Variants in PTBP2 observed in about 807,000 individuals in gnomAD.
PTBP2 encodes polypyrimidine tract-binding protein 2.
A neutral mutation model predicts 61.4 loss-of-function variants in PTBP2; 13 were observed. That is an observed-to-expected ratio of 0.21 (90% CI 0.14 to 0.34). The LOEUF (loss-of-function observed/expected upper bound fraction) is 0.34, where lower values mean the gene tolerates loss of function less well. Among genes scored for constraint, PTBP2 ranks in the 10% least tolerant of loss-of-function variants. The pLI, the probability that PTBP2 is intolerant of heterozygous loss-of-function variation, is 1.00. For synonymous variants in PTBP2, 215 were observed against 218.5 expected (o/e 0.98, Z 0.14); for missense variants, 405 against 642.6 (o/e 0.63, Z 4.00).
intron 3 of PTBP2, among the ~76,000 whole-genome samples, chr1:96,752,646 T>C (rs1654695566): frequency 2.0e-5 from 3 of 152,130 alleles, no homozygotes; most frequent in Admixed American, 2.0e-4. Context: ...TGTGTAACTC[T>C]GGTTTGTCGG....
At position 96,751,623 on chromosome 1, in the gene PTBP2, G is replaced by C. The variant is rs1305263575; in HGVS notation, c.115+123G>C. 60 of 649,016 alleles carry C rather than the reference G, an allele frequency of 9.2e-5. 1 individual carries two copies. The Admixed American group carries it at 1.7e-3, about 18-fold the overall frequency. 40.2% of individuals were successfully genotyped at this position (649,016 alleles called of 1,614,324 possible). A position where few individuals can be genotyped will look rare whatever the true frequency, so the allele number is the denominator to read the frequency against. On this transcript the variant is annotated intron_variant, in intron 3 of 13. Coordinates refer to ENST00000674951, the MANE Select transcript of PTBP2 (RefSeq NM_021190.4). The stretch of plus-strand genomic sequence containing the variant: ...TTTAAATGCGTGTTGAAACATTTTA[G>C]AGTAAATTTTACTAAAGTATATATG...
rs375367188 is a variant in PTBP2, at chr1:96,726,454, T to C, written c.39+2860T>C. Among the ~76,000 whole-genome samples the C allele has an allele frequency of 8.1e-4, 120 of 148,648 alleles. 1 individual carries two copies. The highest frequency in any genetic ancestry group is 5.3e-3 in the East Asian group (26 of 4,874). ...TGCCAGACTAATTTTTTTTTTTTTTTCGAGACGGAGTCTCGCCCGGTCTCC... is the reference window on the plus strand; with the variant it reads ...TGCCAGACTAATTTTTTTTTTTTTTCCGAGACGGAGTCTCGCCCGGTCTCC... On this transcript the variant is annotated intron_variant, in intron 2 of 13. Coordinates refer to ENST00000674951, the MANE Select transcript of PTBP2 (RefSeq NM_021190.4).
At chr1:96,808,740 G>C (rs1298771078) in intron 11 of PTBP2, among the ~76,000 whole-genome samples, 1 of 151,918 alleles carries the variant, frequency 6.6e-6, no homozygotes, top group African/African-American at 2.4e-5. Context: ...GGTAGATTTT[G>C]CTTTCTTGAA....
intron 3 of PTBP2, among the ~76,000 whole-genome samples, chr1:96,756,610 GCA>G (rs199667485): frequency 0.045 from 6,797 of 152,124 alleles, 463 homozygotes; most frequent in African/African-American, 0.15. Context: ...ATGTTAATCA[GCA>G]CTAAATGGAA....
intron 9 of PTBP2, 82 bp from the exon 10 acceptor site, chr1:96,806,337 A>G: frequency 8.7e-7 from 1 of 1,146,278 alleles, no homozygotes; most frequent in East Asian, 2.3e-5. Context: ...ACCCTTCGTT[A>G]TGGATGATCT....
intron 2 of PTBP2, among the ~76,000 whole-genome samples, chr1:96,734,913 T>C (rs1034691422): frequency 2.0e-5 from 3 of 150,130 alleles, no homozygotes; most frequent in Non-Finnish European, 4.4e-5. Flanking sequence ...CTTTTTTTTT[T>C]TTTTTTTTTC....
chr1:96,780,341 C>A (rs1288645876), intron 7 of PTBP2, among the ~76,000 whole-genome samples: 1 of 151,908 alleles, frequency 6.6e-6, no homozygotes, highest in Non-Finnish European at 1.5e-5. Flanking sequence ...ACTCTACGTA[C>A]TTTCTATCAC....
chr1:96,813,002 C>A (rs1429300958), intron 12 of PTBP2, 27 bp from the exon 13 acceptor site: 2 of 1,600,624 alleles, frequency 1.2e-6, no homozygotes, highest in Non-Finnish European at 1.7e-6. Context: ...TTAATCTTCA[C>A]TTTTTCTTCC....
At chr1:96,726,884 A>G (rs1327193829) in intron 2 of PTBP2, among the ~76,000 whole-genome samples, 2 of 152,308 alleles carry the variant, frequency 1.3e-5, no homozygotes, top group East Asian at 3.9e-4. Flanking sequence ...CGTCCGGCCC[A>G]TATCTTGCCT....
downstream of PTBP2, chr1:96,815,755 C>G (rs931489361): frequency 9.2e-5 from 14 of 152,092 alleles, no homozygotes; most frequent in Admixed American, 6.6e-4. Context: ...TTTGTTTACA[C>G]TAGTGTCACT....
At chr1:96,799,639 A>G (rs988971746) in intron 8 of PTBP2, among the ~76,000 whole-genome samples, 1 of 152,156 alleles carries the variant, frequency 6.6e-6, no homozygotes, top group Non-Finnish European at 1.5e-5. Context: ...TTAAAATTAT[A>G]ATTTATGTAG....
At chr1:96,755,885 A>G (rs1655100616) in intron 3 of PTBP2, among the ~76,000 whole-genome samples, 1 of 152,332 alleles carries the variant, frequency 6.6e-6, no homozygotes, top group East Asian at 1.9e-4. Context: ...AGTGATGGAC[A>G]TATAAATTAT....
intron 3 of PTBP2, among the ~76,000 whole-genome samples, chr1:96,766,593 A>C (rs1284504785): frequency 6.6e-6 from 1 of 152,144 alleles, no homozygotes; most frequent in Non-Finnish European, 1.5e-5. Flanking sequence ...TTTATATTTG[A>C]AAATAGGCTT....
rs761387734 is a variant in PTBP2, at chr1:96,785,214, A to G, written c.864A>G (p.Pro288=). 2 of 1,602,380 alleles carry G rather than the reference A, an allele frequency of 1.2e-6. No homozygotes were observed. Among genetic ancestry groups the G allele is most frequent in the Non-Finnish European group, 1.7e-6 (2 of 1,175,782 alleles). ...PSGDGQPALD[P]AIAAAFAKET... ...GGGATGGACAACCTGCATTGGACCC[A>G]GCTATTGCTGCAGCATTTGCCAAGG... is the stretch of plus-strand genomic sequence containing the variant. Residue 288 remains proline (P), a synonymous_variant, in exon 8 of 14, where the codon CCA becomes CCG. Coordinates refer to ENST00000674951, the MANE Select transcript of PTBP2 (RefSeq NM_021190.4).
At chr1:96,752,825 A>G (rs1039822050) in intron 3 of PTBP2, among the ~76,000 whole-genome samples, 1 of 152,110 alleles carries the variant, frequency 6.6e-6, no homozygotes, top group Admixed American at 6.5e-5. Context: ...AATACGTGGA[A>G]CAACTGTTGT....
At chr1:96,740,585 C>T (rs961587505) in intron 2 of PTBP2, among the ~76,000 whole-genome samples, 6 of 152,028 alleles carry the variant, frequency 3.9e-5, no homozygotes, top group South Asian at 2.1e-4. Context: ...TATAGTTGAC[C>T]CATACTTCTC....
At chr1:96,723,003 C>A (rs7531045) in intron 1 of PTBP2, among the ~76,000 whole-genome samples, 96,558 of 152,026 alleles carry the variant, frequency 0.64, 31,849 homozygotes, top group African/African-American at 0.82. Flanking sequence ...GAAGAATCAA[C>A]AATTTGGTTA....
chr1:96,727,325 C>A (rs1328551914), intron 2 of PTBP2, among the ~76,000 whole-genome samples: 4 of 151,708 alleles, frequency 2.6e-5, no homozygotes, highest in Non-Finnish European at 4.4e-5. Context: ...TATTGTTTTC[C>A]GTTTTGAGCT....
intron 7 of PTBP2, among the ~76,000 whole-genome samples, chr1:96,782,084 C>T (rs1658737747): frequency 6.6e-6 from 1 of 151,828 alleles, no homozygotes; most frequent in Non-Finnish European, 1.5e-5. Context: ...TTTACATAGT[C>T]CTTACATTAT....
Sources: gnomAD v4.1 joint callset for allele counts (sites outside exome capture counted in the v4.1 genomes callset) on GRCh38, gnomAD v4.1.1 for gene constraint, MANE v1.5 for transcripts, NCBI Gene and HGNC (gene_info 2026-07-23, HGNC 2026-07-21) for gene names.